Variants in CNTN5 observed in about 807,000 individuals in gnomAD.
CNTN5 encodes contactin-5.
Under a neutral mutation model 129.1 loss-of-function variants are expected in CNTN5, and 77 were observed. The observed-to-expected ratio is 0.60, with a 90% CI of 0.50 to 0.72. The LOEUF (loss-of-function observed/expected upper bound fraction) is 0.72. Ranked by LOEUF, CNTN5 falls within the 30% of genes least tolerant of loss-of-function variation. The probability of loss-of-function intolerance (pLI) is 0.00; values close to 1 mark genes in which losing one functional copy is unlikely to be tolerated. For missense variants in CNTN5, 1,478 were observed against 1,328.8 expected (o/e 1.11, Z -1.75); for synonymous variants, 509 against 465.6 (o/e 1.09, Z -1.20).
At chr11:100,102,921 C>A (rs1427124289) in intron 13 of CNTN5, among the ~76,000 whole-genome samples, 1 of 152,116 alleles carries the variant, frequency 6.6e-6, no homozygotes, top group Non-Finnish European at 1.5e-5. Flanking sequence ...ACAAGGGAAT[C>A]TTTAAGGGTC....
chr11:100,161,357 C>A (rs1947439166), intron 13 of CNTN5, among the ~76,000 whole-genome samples: 1 of 151,838 alleles, frequency 6.6e-6, no homozygotes, highest in Non-Finnish European at 1.5e-5. Flanking sequence ...TTCTAGCAGA[C>A]TGACTTGGTA....
intron 1 of CNTN5, among the ~76,000 whole-genome samples, chr11:99,135,590 G>C (rs550083935): frequency 6.6e-6 from 1 of 151,774 alleles, no homozygotes; most frequent in Non-Finnish European, 1.5e-5. Context: ...GCAATAGAAA[G>C]CCCTTTAAGA....
intron 4 of CNTN5, among the ~76,000 whole-genome samples, chr11:99,826,912 A>G (rs918091106): frequency 6.6e-6 from 1 of 152,184 alleles, no homozygotes; most frequent in Non-Finnish European, 1.5e-5. Context: ...GATCAGAAAG[A>G]TGCTTTCACA....
chr11:99,634,658 C>T (rs1413965488), intron 3 of CNTN5, among the ~76,000 whole-genome samples: 1 of 152,180 alleles, frequency 6.6e-6, no homozygotes, highest in African/African-American at 2.4e-5. Context: ...CTCAGATAAG[C>T]ATCTGAAAGC....
intron 13 of CNTN5, among the ~76,000 whole-genome samples, chr11:100,098,810 C>T (rs746450962): frequency 4.6e-5 from 7 of 152,054 alleles, no homozygotes; most frequent in Non-Finnish European, 5.9e-5. Context: ...CTCATCACAT[C>T]TGTCACATCT....
At chr11:99,598,258 C>T (rs1336603395) in intron 3 of CNTN5, among the ~76,000 whole-genome samples, 2 of 93,546 alleles carry the variant, frequency 2.1e-5, no homozygotes, top group South Asian at 3.9e-4. Context: ...TCTTAGCTTT[C>T]CTTTTCTTTT....
At chr11:99,579,021 A>C (rs1949471508) in intron 3 of CNTN5, among the ~76,000 whole-genome samples, 1 of 151,946 alleles carries the variant, frequency 6.6e-6, no homozygotes, top group Non-Finnish European at 1.5e-5. Flanking sequence ...GGTGTAAGGA[A>C]GGGATCCAGT....
At chr11:100,252,992 A>G (rs1406002940) in intron 16 of CNTN5, among the ~76,000 whole-genome samples, 1 of 152,122 alleles carries the variant, frequency 6.6e-6, no homozygotes, top group African/African-American at 2.4e-5. Context: ...GGAGGTGAAA[A>G]AATTGACTCC....
chr11:99,485,244 A>T (rs1225798915), intron 2 of CNTN5, among the ~76,000 whole-genome samples: 7 of 27,452 alleles, frequency 2.5e-4, no homozygotes, highest in African/African-American at 3.7e-4. Flanking sequence ...AAAATTGTTT[A>T]AAAAAAAAAG....
intron 2 of CNTN5, among the ~76,000 whole-genome samples, chr11:99,478,055 A>G (rs1237577447): frequency 1.3e-5 from 2 of 152,054 alleles, no homozygotes; most frequent in East Asian, 1.9e-4. Flanking sequence ...TATTTCAAAT[A>G]TCTTTTCTTT....
intron 4 of CNTN5, among the ~76,000 whole-genome samples, chr11:99,826,889 G>C (rs188114846): frequency 1.3e-5 from 2 of 152,140 alleles, no homozygotes; most frequent in Non-Finnish European, 2.9e-5. Context: ...TGGGAGGAAG[G>C]AAGTAAGGGG....
chr11:99,265,368 G>A (rs575728315), intron 1 of CNTN5, among the ~76,000 whole-genome samples: 45 of 152,112 alleles, frequency 3.0e-4, no homozygotes, highest in Non-Finnish European at 4.3e-4. Flanking sequence ...TTTTGCCACT[G>A]GCAAAAGGGT....
At chr11:99,464,200 G>A (rs1446377239) in intron 2 of CNTN5, among the ~76,000 whole-genome samples, 2 of 152,234 alleles carry the variant, frequency 1.3e-5, no homozygotes, top group East Asian at 1.9e-4. Flanking sequence ...ATGTAACTTT[G>A]GGGAGTATCT....
chr11:99,320,037 C>T (rs1030971837), intron 1 of CNTN5, among the ~76,000 whole-genome samples: 1 of 152,006 alleles, frequency 6.6e-6, no homozygotes, highest in Non-Finnish European at 1.5e-5. Context: ...GTCAGGAGTT[C>T]GAGACCAGCC....
chr11:99,788,493 A>T (rs186397409), intron 3 of CNTN5, among the ~76,000 whole-genome samples: 1 of 152,048 alleles, frequency 6.6e-6, no homozygotes, highest in Admixed American at 6.6e-5. Flanking sequence ...TTTTTATGTC[A>T]TTCCCTTTTG....
intron 3 of CNTN5, among the ~76,000 whole-genome samples, chr11:99,646,566 A>G (rs985548126): frequency 6.6e-6 from 1 of 152,218 alleles, no homozygotes; most frequent in Admixed American, 6.5e-5. Context: ...TGACTGGTCA[A>G]TATGACTATT....
intron 13 of CNTN5, among the ~76,000 whole-genome samples, chr11:100,144,406 A>G (rs1302483664): frequency 2.0e-5 from 3 of 152,048 alleles, no homozygotes; most frequent in Non-Finnish European, 4.4e-5. Context: ...CCAAGTGCTT[A>G]CTGTTTCCAT....
intron 3 of CNTN5, among the ~76,000 whole-genome samples, chr11:99,719,538 AAGGT>A (rs1234832076): frequency 6.6e-6 from 1 of 152,106 alleles, no homozygotes; most frequent in African/African-American, 2.4e-5. Flanking sequence ...AAATTCAACT[AAGGT>A]AGGATTAAGG....
At chr11:99,648,886 C>T (rs992294743) in intron 3 of CNTN5, among the ~76,000 whole-genome samples, 1 of 151,480 alleles carries the variant, frequency 6.6e-6, no homozygotes, top group African/African-American at 2.4e-5. Context: ...ACCGAGAATT[C>T]TAGAAGTTGA....
Sources: gnomAD v4.1 joint callset for allele counts (sites outside exome capture counted in the v4.1 genomes callset) on GRCh38, gnomAD v4.1.1 for gene constraint, MANE v1.5 for transcripts, NCBI Gene and HGNC (gene_info 2026-07-23, HGNC 2026-07-21) for gene names.